Variants in LMTK2 observed in about 807,000 individuals in gnomAD.
LMTK2 encodes lemur tail kinase 2.
LMTK2 carries 37 observed loss-of-function variants against 127.5 expected under a neutral mutation model. The ratio of observed to expected loss-of-function variants is 0.29; its 90% confidence interval spans 0.22 to 0.38. The LOEUF (loss-of-function observed/expected upper bound fraction) is 0.38. LMTK2 is among the 10% of genes least tolerant of loss of function. The probability of loss-of-function intolerance (pLI) is 1.00; values close to 1 mark genes in which losing one functional copy is unlikely to be tolerated. For missense variants in LMTK2, 1,694 were observed against 1,920.3 expected, an observed-to-expected ratio of 0.88 and a Z score of 2.20; for synonymous variants, 819 against 810.1, an observed-to-expected ratio of 1.01 and a Z score of -0.19.
chr7:98,112,354 C>T (rs1318042811), intron 1 of LMTK2, among the ~76,000 whole-genome samples: 1 of 152,160 alleles, frequency 6.6e-6, no homozygotes, highest in Non-Finnish European at 1.5e-5. Flanking sequence ...TGAGTCACTG[C>T]ACCAGGCAAG....
intron 7 of LMTK2, among the ~76,000 whole-genome samples, chr7:98,173,716 A>G (rs767739401): frequency 6.6e-5 from 10 of 152,344 alleles, no homozygotes; most frequent in South Asian, 4.1e-4. Context: ...GATGATGAGT[A>G]AATCACATAG....
chr7:98,186,126 C>T lies in LMTK2; in HGVS notation c.877-751C>T, dbSNP rs933006854. On this transcript the variant is annotated intron_variant, in intron 8 of 13. Coordinates refer to ENST00000297293, the MANE Select transcript of LMTK2 (RefSeq NM_014916.4). ...TCACCCTGGCTGGAGTGCAGTGGCG[C>T]GATCTCGGCTCACTGCAACCTCCGC... is the stretch of plus-strand genomic sequence containing the variant. Among the ~76,000 whole-genome samples, 58 of 150,612 alleles carry T rather than the reference C, an allele frequency of 3.9e-4. 1 individual carries two copies. The highest frequency in any genetic ancestry group is 2.2e-4 in the Non-Finnish European group (15 of 67,810).
Position 98,141,515 on chromosome 7 carries a change from C to G in LMTK2, c.350C>G (p.Ala117Gly). 1.2e-6 allele frequency: 2 copies of G among 1,614,114 alleles called. No individual in the cohort carries two copies. Among genetic ancestry groups the G allele is most frequent in the Non-Finnish European group, 1.7e-6 (2 of 1,179,952 alleles). The change falls in exon 3 of 14, where the codon GCT becomes GGT. Residue 117 changes from alanine to glycine, a missense_variant. By Grantham distance (60) the Ala-to-Gly change is moderately conservative (BLOSUM62 0). Transcript: ENST00000297293. ...TLSVPNISLP[A>G]PSQFQPSVEG... is the part of the protein sequence containing the mutation. ...TCAGTACCAAATATTTCACTCCCAG[C>G]TCCCTCGCAATTCCAGCCTTCTGTA... is the stretch of plus-strand genomic sequence containing the variant.
At chr7:98,178,633 C>T (rs890196719) in intron 7 of LMTK2, among the ~76,000 whole-genome samples, 3 of 152,188 alleles carry the variant, frequency 2.0e-5, no homozygotes, top group African/African-American at 7.2e-5. Flanking sequence ...CAAAAGCAGC[C>T]ATTGACGTCA....
In LMTK2 at chr7:98,194,441, G is replaced by T. The variant is rs373561525; in HGVS notation, c.3976G>T (p.Asp1326Tyr). 1.2e-6 allele frequency: 2 copies of T among 1,614,142 alleles called. No individual in the cohort carries two copies. Among genetic ancestry groups the T allele is most frequent in the Admixed American group, 3.3e-5 (2 of 60,032 alleles). Residue 1326 changes from aspartate (D) to tyrosine (Y), a missense_variant, in exon 11 of 14, where the codon GAC becomes TAC. Coordinates refer to ENST00000297293, the MANE Select transcript of LMTK2 (RefSeq NM_014916.4). The surrounding 1 kb of genome is among the most constrained non-coding windows in gnomAD (Gnocchi z 5.4). ...CGTGCCCATCATCCTCAGCAACGAG[G>T]ACGGAAGGCACCTGCGGAGTCTGTT... ...HPVPIILSNE[D>Y]GRHLRSLLKP... is the part of the protein sequence containing the mutation.
rs569535683 is a variant in LMTK2, at chr7:98,134,200, G to A, written c.104-3115G>A. On this transcript the variant is annotated intron_variant, in intron 1 of 13. Coordinates refer to ENST00000297293, the MANE Select transcript of LMTK2 (RefSeq NM_014916.4). ...TGGAGCTGGTCGTATTACCTCAGAG[G>A]TATTGTGACAGCCAAATGAAATAAT... 2.6e-5 allele frequency among the ~76,000 whole-genome samples: 4 copies of A among 152,270 alleles called. No individual in the cohort carries two copies. The East Asian group carries it at 5.8e-4, about 22-fold the overall frequency.
In LMTK2 at chr7:98,192,803, T is replaced by G. The variant is rs11765552; in HGVS notation, c.2338T>G (p.Leu780Val). ...ELQFAENKPG[L>V]SLLQENVSTK... ...TCAGTTTGCTGAAAATAAGCCAGGC[T>G]TGTCTTTGTTGCAGGAAAACGTAAG... Residue 780 changes from leucine to valine, a missense_variant, in exon 11 of 14, where the codon TTG becomes GTG. By Grantham distance (32) the Leu-to-Val change is conservative. Coordinates refer to ENST00000297293, the MANE Select transcript of LMTK2 (RefSeq NM_014916.4). The G allele has an allele frequency of 6.2e-7, 1 of 1,613,444 alleles. No homozygotes were observed. The highest frequency in any genetic ancestry group is 8.5e-7 in the Non-Finnish European group (1 of 1,179,618).
In LMTK2 at chr7:98,174,119, AAAAG is replaced by A. The variant is rs1286027510; in HGVS notation, c.791+2449_791+2452del. On this transcript the variant is annotated intron_variant, in intron 7 of 13. Coordinates refer to ENST00000297293, the MANE Select transcript of LMTK2 (RefSeq NM_014916.4). ...CATTTTGTTGTAAAAAAAAAAAAAAAAAAGAAAAAGTAATCATATCTATATTAAA... is the reference window on the plus strand; with the variant it reads ...CATTTTGTTGTAAAAAAAAAAAAAAAAAAAAGTAATCATATCTATATTAAA... 5.6e-3 allele frequency among the ~76,000 whole-genome samples: 840 copies of A among 151,140 alleles called. 5 individuals carry two copies. The highest frequency in any genetic ancestry group is 0.02 in the African/African-American group (797 of 40,728).
In LMTK2 at chr7:98,203,685, G is replaced by A. The variant is rs779727779; in HGVS notation, c.4219G>A (p.Glu1407Lys). Residue 1407 changes from glutamate to lysine, a missense_variant, in exon 12 of 14, where the codon GAA becomes AAA. By Grantham distance (56) the Glu-to-Lys change is moderately conservative (BLOSUM62 1). This residue lies in a region of LMTK2 where 554 missense variants were observed against 567.7 expected (regional missense o/e 0.98). Transcript: ENST00000297293. ...CTACCTGAGCAGGTGCATCAACTCCGAAAGCTCCACCGACGAAGAAGGTAT... is the reference window on the plus strand; with the variant it reads ...CTACCTGAGCAGGTGCATCAACTCCAAAAGCTCCACCGACGAAGAAGGTAT... ...SPYLSRCINS[E>K]SSTDEEGGGF... 4.5e-5 allele frequency: 73 copies of A among 1,613,898 alleles called. No individual in the cohort carries two copies. The highest frequency in any genetic ancestry group is 6.1e-5 in the Non-Finnish European group (72 of 1,179,988).
intron 6 of LMTK2, among the ~76,000 whole-genome samples, chr7:98,162,924 T>C (rs939429899): frequency 6.6e-6 from 1 of 152,124 alleles, no homozygotes; most frequent in Non-Finnish European, 1.5e-5. Context: ...CCAAATCTGC[T>C]CTCTCTGTGC....
rs755793023 is a variant in LMTK2 at position 98,191,931 on chromosome 7, G to T, written c.1466G>T (p.Arg489Leu). 2 of 1,613,980 alleles carry T rather than the reference G, an allele frequency of 1.2e-6. No homozygotes were observed. The highest frequency in any genetic ancestry group is 2.7e-5 in the African/African-American group (2 of 74,868). The change falls in exon 11 of 14, where the codon CGC (arginine) becomes CTC (leucine). Residue 489 changes from arginine to leucine, a missense_variant. Arg to Leu is a moderately radical substitution (Grantham distance 102). This residue lies in a region of LMTK2 where 216 missense variants were observed against 266.8 expected (regional missense o/e 0.81). Transcript: ENST00000297293. ...EAAKHDHFDE[R>L]SRGHLDEGLS... is the part of the protein sequence containing the mutation. ...GCTAAGCACGACCACTTTGACGAGC[G>T]CAGCCGGGGCCACCTGGACGAAGGC...
rs143710615 is a variant in LMTK2, at chr7:98,144,614, A to G, written c.376+3073A>G. 4.0e-3 allele frequency among the ~76,000 whole-genome samples: 611 copies of G among 152,096 alleles called. 6 individuals carry two copies. Among genetic ancestry groups the G allele is most frequent in the African/African-American group, 0.014 (580 of 41,490 alleles). On this transcript the variant is annotated intron_variant, in intron 3 of 13. Coordinates refer to ENST00000297293, the MANE Select transcript of LMTK2 (RefSeq NM_014916.4). ...TCTCCCCTCACTCCCATTCACATTT[A>G]CTTTTAATTTTTTAATTTTTTGTTT... is the stretch of plus-strand genomic sequence containing the variant.
At chr7:98,136,233 A>G (rs1796594372) in intron 1 of LMTK2, among the ~76,000 whole-genome samples, 1 of 152,238 alleles carries the variant, frequency 6.6e-6, no homozygotes, top group Non-Finnish European at 1.5e-5. Flanking sequence ...AATATCCGTG[A>G]GTCCATAAGT....
intron 3 of LMTK2, among the ~76,000 whole-genome samples, chr7:98,147,488 G>A (rs375815766): frequency 1.2e-3 from 178 of 152,284 alleles, no homozygotes; most frequent in African/African-American, 4.0e-3. Context: ...GCCTCCCAAA[G>A]TGTTGGGATT....
Position 98,163,920 on chromosome 7 carries a change from C to G in LMTK2, c.657+4495C>G, listed in dbSNP as rs79011909. ...ACGGTGAAGGACCGGCTATCGCTGCCTGTCTTAGCAGGTCAAGAGCGATTG... is the reference window on the plus strand; with the variant it reads ...ACGGTGAAGGACCGGCTATCGCTGCGTGTCTTAGCAGGTCAAGAGCGATTG... On this transcript the variant is annotated intron_variant, in intron 6 of 13. Coordinates refer to ENST00000297293, the MANE Select transcript of LMTK2 (RefSeq NM_014916.4). Among the ~76,000 whole-genome samples the G allele has an allele frequency of 7.5e-3, 1,146 of 152,358 alleles. 17 individuals are homozygous for G. Among genetic ancestry groups the G allele is most frequent in the African/African-American group, 0.026 (1,061 of 41,576 alleles).
chr7:98,153,413 A>C (rs1457318823), intron 4 of LMTK2, among the ~76,000 whole-genome samples: 1 of 152,198 alleles, frequency 6.6e-6, no homozygotes, highest in Non-Finnish European at 1.5e-5. Flanking sequence ...AAATGGAGTA[A>C]GATGAAGCCT....
At chr7:98,204,982 G>A (rs1361043276) in intron 13 of LMTK2, among the ~76,000 whole-genome samples, 6 of 152,204 alleles carry the variant, frequency 3.9e-5, no homozygotes, top group Admixed American at 2.0e-4. Context: ...TCCCGAGGGC[G>A]GGGTGGGGTG....
chr7:98,185,034 C>G lies in LMTK2; in HGVS notation c.792-17C>G. 2 of 1,586,576 alleles carry G rather than the reference C, an allele frequency of 1.3e-6. No individual in the cohort carries two copies. Among genetic ancestry groups the G allele is most frequent in the Non-Finnish European group, 1.7e-6 (2 of 1,155,764 alleles). ...TTGTTGATTCTTCTTGCCATGTTCA[C>G]TTCCCTCTGTTTTCAGTGATTTAGC... On this transcript the variant is annotated splice_polypyrimidine_tract_variant and intron_variant, in intron 7 of 13. Coordinates refer to ENST00000297293, the MANE Select transcript of LMTK2 (RefSeq NM_014916.4).
chr7:98,193,400 C>T lies in LMTK2; in HGVS notation c.2935C>T (p.Leu979=). ...GGACTCAACCAGTCAGGACAGCCTC[C>T]TGGAGGACAGCTTGTCAGCACCCTT... ...SSDSTSQDSL[L]EDSLSAPFPA... The change falls in exon 11 of 14, where the codon CTG becomes TTG. Residue 979 remains leucine, a synonymous_variant. Coordinates refer to ENST00000297293, the MANE Select transcript of LMTK2 (RefSeq NM_014916.4). The surrounding 1 kb of genome is among the most constrained non-coding windows in gnomAD (Gnocchi z 4.1). 6.2e-7 allele frequency: 1 copy of T among 1,614,200 alleles called. No homozygotes were observed. Among genetic ancestry groups the T allele is most frequent in the Non-Finnish European group, 8.5e-7 (1 of 1,180,028 alleles).
Sources: gnomAD v4.1 joint callset for allele counts (sites outside exome capture counted in the v4.1 genomes callset) on GRCh38, gnomAD v4.1.1 for gene constraint, gnomAD v4.1.1 regional missense constraint, Gnocchi (gnomAD v3.1) non-coding constraint, MANE v1.5 for transcripts, NCBI Gene and HGNC (gene_info 2026-07-23, HGNC 2026-07-21) for gene names.